Variants in MYH13 observed in about 807,000 individuals in gnomAD.
MYH13 encodes the protein myosin heavy chain 13.
In MYH13, 177 loss-of-function variants were observed where a neutral mutation model predicts 232.1. That is an observed-to-expected ratio of 0.76 (90% CI 0.67 to 0.86). The LOEUF is 0.86. Ranked by LOEUF, MYH13 falls within the 40% of genes least tolerant of loss-of-function variation. The pLI, the probability that MYH13 is intolerant of heterozygous loss-of-function variation, is 0.00. For missense variants in MYH13, 2,246 were observed against 2,405.9 expected (o/e 0.93, Z 1.39); for synonymous variants, 884 against 923.5 (o/e 0.96, Z 0.78).
chr17:10,358,920 C>G (rs1173099303), intron 7 of MYH13, among the ~76,000 whole-genome samples: 2 of 152,194 alleles, frequency 1.3e-5, no homozygotes, highest in Non-Finnish European at 2.9e-5. Context: ...ATTCCTTCTC[C>G]AGAGGAGGAT....
chr17:10,367,286 T>G (rs1205899477), intron 2 of MYH13, among the ~76,000 whole-genome samples: 1 of 152,206 alleles, frequency 6.6e-6, no homozygotes, highest in East Asian at 1.9e-4. Flanking sequence ...AATTGAGAAA[T>G]TAAAAAATAT....
intron 37 of MYH13, among the ~76,000 whole-genome samples, chr17:10,305,240 C>T (rs1322943648): frequency 1.3e-5 from 2 of 152,150 alleles, no homozygotes; most frequent in Non-Finnish European, 2.9e-5. Context: ...CCCCGCCAAC[C>T]CAGGAATCAA....
intron 29 of MYH13, 27 bp from the exon 30 acceptor site, chr17:10,313,381 C>A: frequency 4.3e-6 from 7 of 1,613,106 alleles, no homozygotes; most frequent in East Asian, 2.2e-5. Context: ...TGACAAATTG[C>A]AAAAACATTT....
rs745540840 is a variant in MYH13 at position 10,315,950 on chromosome 17, G to C, written c.3814C>G (p.Gln1272Glu). Residue 1272 changes from glutamine (Q) to glutamate (E), a missense_variant, in exon 28 of 41, where the codon CAG (glutamine) becomes GAG (glutamate). Transcript: ENST00000252172. Reference sequence around the variant, plus strand: ...TGCATGTTCAGATCATGGATCAACTGTGTCTGTTGCTCGTCCTTGGCTTTG... The same window carrying C: ...TGCATGTTCAGATCATGGATCAACTCTGTCTGTTGCTCGTCCTTGGCTTTG... The part of the protein sequence containing the change: ...EIKAKDEQQT[Q>E]LIHDLNMQKA... 3 of 1,613,946 alleles carry C rather than the reference G, an allele frequency of 1.9e-6. No homozygotes were observed. The highest frequency in any genetic ancestry group is 2.5e-6 in the Non-Finnish European group (3 of 1,179,864).
chr17:10,301,077 G>A, intron 40 of MYH13, 112 bp from the exon 41 acceptor site: 1 of 980,782 alleles, frequency 1.0e-6, no homozygotes, highest in Non-Finnish European at 1.6e-6. Context: ...GGAATATTAA[G>A]GAATGGCGTT....
In MYH13 at chr17:10,364,363, T is replaced by C. The variant is rs773796380; in HGVS notation, c.168A>G (p.Glu56=). The C allele has an allele frequency of 6.2e-7, 1 of 1,613,976 alleles. No homozygotes were observed. Among genetic ancestry groups the C allele is most frequent in the South Asian group, 1.1e-5 (1 of 91,054 alleles). Residue 56 remains glutamate, a synonymous_variant, in exon 3 of 41, where the codon GAA becomes GAG. Transcript: ENST00000252172. ...MYVKGMIQTR[E]NDKVIVKTLD... ...GGGTCTTGACTATGACTTTGTCATT[T>C]TCCCTAGTCTGGATCATGCCTTTCA...
intron 37 of MYH13, among the ~76,000 whole-genome samples, chr17:10,305,166 C>G (rs531278943): frequency 5.9e-5 from 9 of 152,108 alleles, no homozygotes; most frequent in Non-Finnish European, 1.2e-4. Flanking sequence ...GTCACATAAC[C>G]GGGCAGGGGA....
chr17:10,370,533 T>C (rs1348386790), intron 2 of MYH13, among the ~76,000 whole-genome samples: 1 of 152,092 alleles, frequency 6.6e-6, no homozygotes, highest in Non-Finnish European at 1.5e-5. Context: ...TTGAGATGAC[T>C]ACCCCCGCCT....
At chr17:10,350,128 C>T (rs1302817183) in intron 12 of MYH13, among the ~76,000 whole-genome samples, 2 of 152,104 alleles carry the variant, frequency 1.3e-5, no homozygotes, top group African/African-American at 4.8e-5. Flanking sequence ...GTTCAACAGA[C>T]GCTGGGGTGG....
intron 18 of MYH13, among the ~76,000 whole-genome samples, chr17:10,335,886 G>T (rs948703628): frequency 2.0e-5 from 3 of 152,148 alleles, no homozygotes; most frequent in African/African-American, 7.2e-5. Context: ...AGAGAAAAAG[G>T]CATAGTTACA....
chr17:10,348,818 A>AC (rs925241046), intron 12 of MYH13, among the ~76,000 whole-genome samples: 1 of 152,000 alleles, frequency 6.6e-6, no homozygotes, highest in African/African-American at 2.4e-5. Flanking sequence ...TATATTCTAA[A>AC]CCATTCATCC....
intron 16 of MYH13, among the ~76,000 whole-genome samples, chr17:10,342,811 A>T (rs1010653224): frequency 4.6e-5 from 7 of 151,760 alleles, no homozygotes; most frequent in Non-Finnish European, 1.0e-4. Context: ...GCTCATGGGG[A>T]CAGGCATGAT....
intron 2 of MYH13, among the ~76,000 whole-genome samples, chr17:10,367,428 A>C (rs1276713992): frequency 6.6e-6 from 1 of 152,156 alleles, no homozygotes; most frequent in Non-Finnish European, 1.5e-5. Flanking sequence ...AGCTCACTGC[A>C]ACCTCCACCT....
intron 21 of MYH13, among the ~76,000 whole-genome samples, chr17:10,329,915 G>T (rs1480349825): frequency 6.6e-6 from 1 of 151,714 alleles, no homozygotes; most frequent in African/African-American, 2.4e-5. Context: ...CGGGAGAATC[G>T]CTTGAACCTG....
chr17:10,321,730 T>G (rs62058070), intron 23 of MYH13, 22 bp from the exon 24 acceptor site: 68,860 of 1,584,688 alleles, frequency 0.043, 1,662 homozygotes, highest in Non-Finnish European at 0.048. Context: ...TTAACACCGA[T>G]TTAATATGGA....
intron 2 of MYH13, among the ~76,000 whole-genome samples, chr17:10,369,388 G>C (rs2071862294): frequency 6.6e-6 from 1 of 152,082 alleles, no homozygotes. Context: ...ATATTCACTA[G>C]GTCTGGAGTT....
rs1026008896 is a variant in MYH13, at chr17:10,357,823, G to T, written c.650C>A (p.Thr217Asn). The T allele has an allele frequency of 1.2e-6, 2 of 1,612,754 alleles. No individual in the cohort carries two copies. Among genetic ancestry groups the T allele is most frequent in the Non-Finnish European group, 1.7e-6 (2 of 1,179,140 alleles). Reference protein sequence around the residue: ...KETQPGKMQGTLEDQIIQANP... With the variant: ...KETQPGKMQGNLEDQIIQANP... Reference sequence around the variant, plus strand: ...GGCCTGGATGATCTGATCCTCTAGGGTTCCCTAATAATAAACAAGAAGAGG... The same window carrying T: ...GGCCTGGATGATCTGATCCTCTAGGTTTCCCTAATAATAAACAAGAAGAGG... Residue 217 changes from threonine to asparagine, a missense_variant, in exon 8 of 41, where the codon ACC (threonine) becomes AAC (asparagine). Coordinates refer to ENST00000252172, the MANE Select transcript of MYH13 (RefSeq NM_003802.3).
rs1430251801 is a variant in MYH13 at position 10,324,258 on chromosome 17, C to T, written c.2698G>A (p.Glu900Lys). Reference protein sequence around the residue: ...DLQLQVQSETENLMDAEERCE... With the variant: ...DLQLQVQSETKNLMDAEERCE... The stretch of plus-strand genomic sequence containing the variant: ...CGTTCCTCAGCGTCCATCAGATTTT[C>T]TGTTTCCTGAAAGAACCAGGTCATT... The change falls in exon 23 of 41, where the codon GAA (glutamate) becomes AAA (lysine). Residue 900 changes from glutamate (E) to lysine (K), a missense_variant. Transcript: ENST00000252172. 6.2e-7 allele frequency: 1 copy of T among 1,613,240 alleles called. No individual in the cohort carries two copies. Among genetic ancestry groups the T allele is most frequent in the Admixed American group, 1.7e-5 (1 of 59,866 alleles).
chr17:10,330,446 C>T lies in MYH13; in HGVS notation c.2376G>A (p.Thr792=), dbSNP rs769518813. The T allele has an allele frequency of 1.7e-5, 27 of 1,613,444 alleles. No homozygotes were observed. Among genetic ancestry groups the T allele is most frequent in the Admixed American group, 1.3e-4 (8 of 60,008 alleles). ...DEKLVTLMTS[T]QAVCRGYLMR... is the part of the protein sequence containing the mutation. ...TCAGGTACCCCCTGCACACCGCCTG[C>T]GTGCTTGTCATCAGCGTCACCAGCT... Residue 792 remains threonine, a synonymous_variant, in exon 21 of 41, where the codon ACG becomes ACA. Coordinates refer to ENST00000252172, the MANE Select transcript of MYH13 (RefSeq NM_003802.3).
Sources: allele counts gnomAD v4.1 joint callset (sites outside exome capture counted in the v4.1 genomes callset), GRCh38; gene constraint gnomAD v4.1.1; transcripts MANE v1.5; gene names NCBI Gene and HGNC (gene_info 2026-07-23, HGNC 2026-07-21).